Variants in FTO observed in about 807,000 individuals in gnomAD.
FTO encodes FTO alpha-ketoglutarate dependent dioxygenase, also known as alpha-ketoglutarate-dependent dioxygenase FTO.
A neutral mutation model predicts 63.9 loss-of-function variants in FTO; 47 were observed. The ratio of observed to expected loss-of-function variants is 0.74; its 90% confidence interval spans 0.58 to 0.94. The LOEUF is 0.94. FTO is among the 40% of genes least tolerant of loss of function. The probability of loss-of-function intolerance (pLI) is 0.00; values close to 1 mark genes in which losing one functional copy is unlikely to be tolerated. For synonymous variants in FTO, 207 were observed against 224.4 expected (o/e 0.92, Z 0.69); for missense variants, 562 against 618.1 (o/e 0.91, Z 0.96).
At chr16:53,835,291 C>A (rs1364359305) in intron 3 of FTO, among the ~76,000 whole-genome samples, 2 of 152,188 alleles carry the variant, frequency 1.3e-5, no homozygotes, top group African/African-American at 4.8e-5. Flanking sequence ...CTTTACTTCT[C>A]TCTTTTGTGA....
At chr16:53,860,881 A>AACAC (rs35826323) in intron 4 of FTO, among the ~76,000 whole-genome samples, 8,901 of 145,776 alleles carry the variant, frequency 0.061, 327 homozygotes, top group South Asian at 0.12. Context: ...AAATGTTTTT[A>AACAC]ACACACACAC....
chr16:53,846,703 G>A (rs1331806854), intron 4 of FTO, among the ~76,000 whole-genome samples: 3 of 151,542 alleles, frequency 2.0e-5, no homozygotes, highest in Admixed American at 2.0e-4. Flanking sequence ...TGGGGAGGCT[G>A]AGGCATGAGA....
intron 4 of FTO, among the ~76,000 whole-genome samples, chr16:53,860,624 G>A (rs1227836449): frequency 6.6e-6 from 1 of 152,070 alleles, no homozygotes; most frequent in Non-Finnish European, 1.5e-5. Context: ...GGGGGGATGT[G>A]CCACACACTT....
intron 8 of FTO, among the ~76,000 whole-genome samples, chr16:54,000,532 T>C (rs1366812301): frequency 2.6e-5 from 4 of 152,204 alleles, no homozygotes; most frequent in Non-Finnish European, 5.9e-5. Context: ...TTTCTCTGAT[T>C]ATAAGTGACT....
chr16:54,020,969 T>C (rs1297042880), intron 8 of FTO, among the ~76,000 whole-genome samples: 1 of 151,596 alleles, frequency 6.6e-6, no homozygotes, highest in Admixed American at 6.6e-5. Flanking sequence ...AGACTTTGTC[T>C]CAAAAAAAGA....
At chr16:54,073,382 T>G (rs1415155920) in intron 8 of FTO, among the ~76,000 whole-genome samples, 11 of 152,190 alleles carry the variant, frequency 7.2e-5, no homozygotes, top group African/African-American at 2.7e-4. Context: ...GAGTGAAAAA[T>G]TCTAAGACTT....
At position 53,886,375 on chromosome 16, in the gene FTO, T is replaced by C. The variant is rs2080996165; in HGVS notation, c.1120-2457T>C. The stretch of plus-strand genomic sequence containing the variant: ...TAAACCTTTTCAACTCTTTCTAACA[T>C]AGGGCTTGATGTTTTGCTAACAGGC... On this transcript the variant is annotated intron_variant, in intron 6 of 8. Transcript: ENST00000471389. 2.0e-5 allele frequency among the ~76,000 whole-genome samples: 3 copies of C among 152,216 alleles called. No individual in the cohort carries two copies. In the South Asian group the frequency reaches 6.2e-4, roughly 31 times the overall value.
At chr16:53,980,153 T>C (rs149346811) in intron 8 of FTO, among the ~76,000 whole-genome samples, 23 of 152,348 alleles carry the variant, frequency 1.5e-4, no homozygotes, top group African/African-American at 5.5e-4. Flanking sequence ...AGTCATGAAG[T>C]GAAGCCACAT....
intron 8 of FTO, among the ~76,000 whole-genome samples, chr16:54,100,536 G>C (rs774742934): frequency 6.6e-6 from 1 of 151,948 alleles, no homozygotes; most frequent in African/African-American, 2.4e-5. Flanking sequence ...TAAATTTTTC[G>C]TACAGATGGG....
At position 53,782,975 on chromosome 16, in the gene FTO, A is replaced by C. The variant is rs1487844734; in HGVS notation, c.46-27165A>C. On this transcript the variant is annotated intron_variant, in intron 1 of 8. Transcript: ENST00000471389. ...AGTGAATTTTGGTTGAATGAGTGGC[A>C]GTTCTAATAATGTCAGAAGAATTGG... is the stretch of plus-strand genomic sequence containing the variant. 2.0e-5 allele frequency among the ~76,000 whole-genome samples: 3 copies of C among 152,328 alleles called. No individual in the cohort carries two copies. The East Asian group carries it at 5.8e-4, about 29-fold the overall frequency.
chr16:53,892,400 A>G (rs1173151034), intron 7 of FTO, among the ~76,000 whole-genome samples: 3 of 152,134 alleles, frequency 2.0e-5, no homozygotes, highest in Admixed American at 6.5e-5. Context: ...ATAGCACAGG[A>G]TATCAGTTGT....
chr16:54,032,766 T>C (rs541766989), intron 8 of FTO, among the ~76,000 whole-genome samples: 2 of 152,208 alleles, frequency 1.3e-5, no homozygotes, highest in Non-Finnish European at 2.9e-5. Context: ...ATGGTCCCCA[T>C]TGTTGGAGGT....
At chr16:53,896,276 A>T (rs1159835943) in intron 7 of FTO, among the ~76,000 whole-genome samples, 4 of 151,966 alleles carry the variant, frequency 2.6e-5, no homozygotes, top group Non-Finnish European at 4.4e-5. Context: ...CCTGGAAAAG[A>T]TATAACATAA....
intron 3 of FTO, among the ~76,000 whole-genome samples, chr16:53,841,483 G>T (rs2079475826): frequency 6.6e-6 from 1 of 152,116 alleles, no homozygotes; most frequent in Non-Finnish European, 1.5e-5. Flanking sequence ...ACCAAACTTA[G>T]GGGAAAGAGT....
In FTO at chr16:53,933,966, T is replaced by A; in HGVS notation, c.1240-19T>A. On this transcript the variant is annotated intron_variant, in intron 7 of 8. Coordinates refer to ENST00000471389, the MANE Select transcript of FTO (RefSeq NM_001080432.3). ...AATTTTTCACTTTTTCTTTCTCTGT[T>A]TTGGATCATTTCTTGTAGACAAATG... 6.2e-7 allele frequency: 1 copy of A among 1,613,278 alleles called. No homozygotes were observed. Among genetic ancestry groups the A allele is most frequent in the Non-Finnish European group, 8.5e-7 (1 of 1,179,352 alleles).
chr16:53,828,242 C>T (rs540889832), intron 3 of FTO, among the ~76,000 whole-genome samples: 6 of 152,156 alleles, frequency 3.9e-5, no homozygotes, highest in South Asian at 2.1e-4. Flanking sequence ...TCTTTTGAGA[C>T]GGGGTCTCGC....
chr16:53,909,318 A>G (rs2081621090), intron 7 of FTO, among the ~76,000 whole-genome samples: 2 of 152,194 alleles, frequency 1.3e-5, no homozygotes, highest in African/African-American at 4.8e-5. Flanking sequence ...AGCACATGTA[A>G]CAGACATATA....
At chr16:54,018,409 G>GATAGATAGATAGATAGATACATAC (rs1474063795) in intron 8 of FTO, among the ~76,000 whole-genome samples, 7 of 142,226 alleles carry the variant, frequency 4.9e-5, no homozygotes, top group South Asian at 2.3e-4. Context: ...TAGATAGATA[G>GATAGATAGATAGATAGATACATAC]ATACATACAT....
chr16:54,108,964 A>G (rs1321880325), intron 8 of FTO, among the ~76,000 whole-genome samples: 3 of 152,180 alleles, frequency 2.0e-5, no homozygotes, highest in African/African-American at 7.2e-5. Flanking sequence ...GAAACCCTAA[A>G]GGGGGACAGA....
Sources: gnomAD v4.1 joint callset for allele counts (sites outside exome capture counted in the v4.1 genomes callset) on GRCh38, gnomAD v4.1.1 for gene constraint, MANE v1.5 for transcripts, NCBI Gene and HGNC (gene_info 2026-07-23, HGNC 2026-07-21) for gene names.